SBF2: variants seen among roughly 807,000 people sequenced by gnomAD.
SBF2 encodes the protein SET binding factor 2.
In SBF2, 112 loss-of-function variants were observed where a neutral mutation model predicts 225.2. The observed-to-expected ratio is 0.50, with a 90% CI of 0.43 to 0.58. The LOEUF is 0.58. SBF2 is among the 20% of genes least tolerant of loss of function. The probability of loss-of-function intolerance (pLI) is 0.00; values close to 1 mark genes in which losing one functional copy is unlikely to be tolerated. For missense variants in SBF2, 1,996 were observed against 2,206.2 expected, an observed-to-expected ratio of 0.90 and a Z score of 1.91; for synonymous variants, 763 against 773.3, an observed-to-expected ratio of 0.99 and a Z score of 0.22.
At chr11:10,112,473 T>A (rs1952923882) in intron 2 of SBF2, among the ~76,000 whole-genome samples, 1 of 152,228 alleles carries the variant, frequency 6.6e-6, no homozygotes, top group Non-Finnish European at 1.5e-5. Context: ...CCTTCCGCCA[T>A]GATTGTGAGG....
At chr11:10,152,798 CA>C (rs1392464604) in intron 2 of SBF2, among the ~76,000 whole-genome samples, 2 of 152,028 alleles carry the variant, frequency 1.3e-5, no homozygotes, top group Admixed American at 6.6e-5. Flanking sequence ...AAAAATGTTC[CA>C]CATGTGCTGC....
chr11:10,140,434 C>T (rs183303320), intron 2 of SBF2, among the ~76,000 whole-genome samples: 96 of 152,248 alleles, frequency 6.3e-4, no homozygotes, highest in South Asian at 6.2e-4. Flanking sequence ...CCCCAAAGGA[C>T]GAGGTTTCAA....
At chr11:10,023,681 GT>G (rs1382322448) in intron 6 of SBF2, among the ~76,000 whole-genome samples, 2 of 152,026 alleles carry the variant, frequency 1.3e-5, no homozygotes, top group African/African-American at 4.8e-5. Context: ...ATTCACCCAG[GT>G]TGTAGCACGT....
intron 2 of SBF2, among the ~76,000 whole-genome samples, chr11:10,101,199 C>T (rs977726855): frequency 9.2e-5 from 14 of 152,104 alleles, no homozygotes; most frequent in Non-Finnish European, 1.5e-4. Flanking sequence ...GGAGACTATC[C>T]ACTCTTCGTC....
At chr11:9,949,253 G>A (rs1865727346) in intron 16 of SBF2, among the ~76,000 whole-genome samples, 1 of 152,088 alleles carries the variant, frequency 6.6e-6, no homozygotes, top group Non-Finnish European at 1.5e-5. Context: ...CATCTTATTA[G>A]TAAAAATAGT....
At chr11:9,837,928 G>C (rs1458191181) in intron 26 of SBF2, 1 of 152,016 alleles carries the variant, frequency 6.6e-6, no homozygotes, top group Non-Finnish European at 1.5e-5. Context: ...AGTAGACACA[G>C]GGTTTCACCA....
chr11:10,269,771 A>T (rs890558782), intron 1 of SBF2, among the ~76,000 whole-genome samples: 4 of 151,682 alleles, frequency 2.6e-5, no homozygotes, highest in African/African-American at 9.7e-5. Context: ...CACTTTATCT[A>T]TTTTTGTAGA....
chr11:9,790,282 C>T (rs986529105), intron 34 of SBF2, among the ~76,000 whole-genome samples: 1 of 152,164 alleles, frequency 6.6e-6, no homozygotes, highest in Non-Finnish European at 1.5e-5. Context: ...TTAGTTCTTT[C>T]TTTCTGGGGA....
chr11:9,998,493 T>C, intron 8 of SBF2, 114 bp from the exon 9 acceptor site: 2 of 660,206 alleles, frequency 3.0e-6, no homozygotes, highest in South Asian at 3.6e-5. Context: ...AAGAGACTCT[T>C]GTTTGTCCAT....
At chr11:9,878,766 C>T (rs895155738) in intron 17 of SBF2, among the ~76,000 whole-genome samples, 2 of 152,018 alleles carry the variant, frequency 1.3e-5, no homozygotes, top group Non-Finnish European at 2.9e-5. Context: ...GAAATGTCAC[C>T]CAAGAGTATA....
chr11:9,856,766 G>C, intron 18 of SBF2, 46 bp from the exon 19 acceptor site: 1 of 1,573,380 alleles, frequency 6.4e-7, no homozygotes, highest in Non-Finnish European at 8.6e-7. Context: ...ATCACTTCAG[G>C]TGAGCTTAAA....
intron 13 of SBF2, among the ~76,000 whole-genome samples, chr11:9,984,512 G>T (rs1947106005): frequency 6.6e-6 from 1 of 152,110 alleles, no homozygotes; most frequent in Non-Finnish European, 1.5e-5. Context: ...ATATTTGGGG[G>T]AATAATTGAG....
intron 17 of SBF2, among the ~76,000 whole-genome samples, chr11:9,867,102 A>G (rs1236233792): frequency 6.6e-6 from 1 of 152,200 alleles, no homozygotes; most frequent in Non-Finnish European, 1.5e-5. Flanking sequence ...GTTTAATTGT[A>G]CATTTAAAAA....
chr11:10,068,889 C>T (rs923054196), intron 2 of SBF2, among the ~76,000 whole-genome samples: 2 of 151,924 alleles, frequency 1.3e-5, no homozygotes, highest in Admixed American at 6.6e-5. Context: ...TTTTTATTGC[C>T]GAAAGCCCAA....
intron 1 of SBF2, among the ~76,000 whole-genome samples, 173 bp downstream of exon 1, chr11:10,293,842 C>G (rs1256698815): frequency 2.6e-5 from 4 of 152,060 alleles, no homozygotes; most frequent in Non-Finnish European, 5.9e-5. Context: ...GGCCCCCCCA[C>G]GCCCACCGCC....
At chr11:9,971,564 A>G (rs1305444109) in intron 13 of SBF2, among the ~76,000 whole-genome samples, 3 of 152,138 alleles carry the variant, frequency 2.0e-5, no homozygotes, top group African/African-American at 7.2e-5. Flanking sequence ...CCATGGTCCC[A>G]GCTACTCAGG....
intron 16 of SBF2, among the ~76,000 whole-genome samples, chr11:9,896,738 A>G (rs1861291991): frequency 6.6e-6 from 1 of 151,404 alleles, no homozygotes; most frequent in Non-Finnish European, 1.5e-5. Flanking sequence ...GCAGTGAGCC[A>G]AGATCCCACC....
rs377442830 is a variant in SBF2 at position 10,175,266 on chromosome 11, C to T, written c.141+18636G>A. On this transcript the variant is annotated intron_variant, in intron 2 of 39. Transcript: ENST00000256190. Reference sequence around the variant, plus strand: ...ATCAGTGTTCTGTATTCAGGAAACCCATCTCACGTGCAGAGACACACATAG... The same window carrying T: ...ATCAGTGTTCTGTATTCAGGAAACCTATCTCACGTGCAGAGACACACATAG... 9.3e-4 allele frequency among the ~76,000 whole-genome samples: 141 copies of T among 151,782 alleles called. 2 individuals are homozygous for T. The East Asian group carries it at 0.023, about 25-fold the overall frequency.
At chr11:9,952,247 CACAA>C (rs57243169) in intron 16 of SBF2, among the ~76,000 whole-genome samples, 98,302 of 149,290 alleles carry the variant, frequency 0.66, 32,237 homozygotes, top group Middle Eastern at 0.7. Context: ...AAAATAAATA[CACAA>C]ACAAACAAAC....
Sources: gnomAD v4.1 joint callset for allele counts (sites outside exome capture counted in the v4.1 genomes callset) on GRCh38, gnomAD v4.1.1 for gene constraint, MANE v1.5 for transcripts, NCBI Gene and HGNC (gene_info 2026-07-23, HGNC 2026-07-21) for gene names.